Variants in EPS8 observed in about 807,000 individuals in gnomAD.
EPS8 encodes EGFR pathway substrate 8, signaling adaptor, also known as epidermal growth factor receptor kinase substrate 8.
EPS8 carries 42 observed loss-of-function variants against 103.8 expected under a neutral mutation model. That is an observed-to-expected ratio of 0.40 (90% CI 0.32 to 0.52). The LOEUF is 0.52. Among genes scored for constraint, EPS8 ranks in the 20% least tolerant of loss-of-function variants. EPS8 has a pLI of 0.40. For missense variants in EPS8, 969 were observed against 1,005.1 expected, an observed-to-expected ratio of 0.96 and a Z score of 0.49; for synonymous variants, 344 against 344.6, an observed-to-expected ratio of 1.00 and a Z score of 0.02.
chr12:15,654,306 AC>A lies in EPS8; in HGVS notation c.1102-14del, dbSNP rs1945470419. The A allele has an allele frequency of 1.2e-6, 2 of 1,609,822 alleles. No individual in the cohort carries two copies. The highest frequency in any genetic ancestry group is 4.5e-5 in the East Asian group (2 of 44,850). On this transcript the variant is annotated splice_polypyrimidine_tract_variant and intron_variant, in intron 12 of 20. Coordinates refer to ENST00000281172, the MANE Select transcript of EPS8 (RefSeq NM_004447.6). ...TTGCCTGCACCACCTAAGATAATAA[AC>A]CATTTTTTAGCAAGAAGATTACTAT...
At chr12:15,663,841 G>A (rs1295587276) in intron 8 of EPS8, among the ~76,000 whole-genome samples, 2 of 146,914 alleles carry the variant, frequency 1.4e-5, no homozygotes, top group African/African-American at 2.6e-5. Flanking sequence ...AGAATCGCTT[G>A]AACCAGGAGA....
chr12:15,680,689 T>C (rs1159562648), intron 3 of EPS8, among the ~76,000 whole-genome samples: 1 of 152,214 alleles, frequency 6.6e-6, no homozygotes, highest in African/African-American at 2.4e-5. Flanking sequence ...CGACTTCTTG[T>C]TACTTATGAC....
chr12:15,748,771 T>G lies in EPS8; in HGVS notation c.-22+40390A>C, dbSNP rs895984279. ...CAATGTATAACAGATCTAAGCTTTTTCTCTTTTATTCACATATCCTCCTGA... is the reference window on the plus strand; with the variant it reads ...CAATGTATAACAGATCTAAGCTTTTGCTCTTTTATTCACATATCCTCCTGA... On this transcript the variant is annotated intron_variant, in intron 1 of 20. Transcript: ENST00000281172. The surrounding 1 kb of genome is among the most constrained non-coding windows in gnomAD (Gnocchi z 4.8). Among the ~76,000 whole-genome samples, 1 of 152,178 alleles carries G rather than the reference T, an allele frequency of 6.6e-6. No individual in the cohort carries two copies. Among genetic ancestry groups the G allele is most frequent in the Admixed American group, 6.5e-5 (1 of 15,278 alleles).
At chr12:15,782,493 C>A (rs1213363500) in intron 1 of EPS8, among the ~76,000 whole-genome samples, 2 of 152,014 alleles carry the variant, frequency 1.3e-5, no homozygotes, top group Admixed American at 1.3e-4. Flanking sequence ...CAGTGAGACT[C>A]TGTCTCAAAA....
rs1945469002 is a variant in EPS8, at chr12:15,654,260, T to C, written c.1135A>G (p.Ser379Gly). The C allele has an allele frequency of 6.2e-7, 1 of 1,613,680 alleles. No individual in the cohort carries two copies. The highest frequency in any genetic ancestry group is 1.3e-5 in the African/African-American group (1 of 75,040). ...VQATGGPELA[S>G]SVLSPLLNKD... ...TTCAATAGGGGACTAAGTACTGAACTGGCTAGTTCAGGACCTCCTGTTGCC... is the reference window on the plus strand; with the variant it reads ...TTCAATAGGGGACTAAGTACTGAACCGGCTAGTTCAGGACCTCCTGTTGCC... Residue 379 changes from serine (S) to glycine (G), a missense_variant, in exon 13 of 21, where the codon AGT (serine) becomes GGT (glycine). Coordinates refer to ENST00000281172, the MANE Select transcript of EPS8 (RefSeq NM_004447.6).
At chr12:15,663,555 T>C (rs906109216) in intron 8 of EPS8, among the ~76,000 whole-genome samples, 3 of 152,134 alleles carry the variant, frequency 2.0e-5, no homozygotes, top group Non-Finnish European at 4.4e-5. Flanking sequence ...ACAGATGACA[T>C]TGCAGAAAAT....
chr12:15,691,050 C>T (rs990146238), intron 1 of EPS8, among the ~76,000 whole-genome samples: 1 of 151,972 alleles, frequency 6.6e-6, no homozygotes, highest in Non-Finnish European at 1.5e-5. Context: ...CCTCATCCAA[C>T]TCACAGAAAA....
chr12:15,729,487 G>C (rs964842593), intron 1 of EPS8, among the ~76,000 whole-genome samples: 1 of 151,770 alleles, frequency 6.6e-6, no homozygotes, highest in South Asian at 2.1e-4. Flanking sequence ...AGTTTCTATT[G>C]CCCTACCTCC....
chr12:15,728,652 A>T lies in EPS8; in HGVS notation c.-21-45680T>A, dbSNP rs375957726. On this transcript the variant is annotated intron_variant, in intron 1 of 20. Coordinates refer to ENST00000281172, the MANE Select transcript of EPS8 (RefSeq NM_004447.6). The surrounding 1 kb of genome is among the most constrained non-coding windows in gnomAD (Gnocchi z 4.5). ...TAAAATCACAGATTTTACTATTTAC[A>T]TTTCAGTGAAATATTTATGCTTTGT... Among the ~76,000 whole-genome samples, 1 of 152,214 alleles carries T rather than the reference A, an allele frequency of 6.6e-6. No homozygotes were observed. The highest frequency in any genetic ancestry group is 1.9e-4 in the East Asian group (1 of 5,204).
intron 1 of EPS8, among the ~76,000 whole-genome samples, chr12:15,775,937 T>C (rs1317118919): frequency 6.6e-6 from 1 of 152,164 alleles, no homozygotes; most frequent in Non-Finnish European, 1.5e-5. Flanking sequence ...CTGCTAATGA[T>C]TTAGCAAAAT....
At chr12:15,648,202 G>A (rs1945353903) in intron 14 of EPS8, among the ~76,000 whole-genome samples, 1 of 152,168 alleles carries the variant, frequency 6.6e-6, no homozygotes, top group Non-Finnish European at 1.5e-5. Context: ...GAGAATACAT[G>A]CTCAGATTGG....
chr12:15,676,381 T>C (rs1204919095), intron 3 of EPS8, among the ~76,000 whole-genome samples: 1 of 151,860 alleles, frequency 6.6e-6, no homozygotes, highest in African/African-American at 2.4e-5. Context: ...GAAGCTCACG[T>C]GTTATAACAA....
chr12:15,620,315 T>C lies in EPS8; in HGVS notation c.*1002A>G, dbSNP rs1162261578. 6.5e-6 allele frequency: 1 copy of C among 152,782 alleles called. No homozygotes were observed. The highest frequency in any genetic ancestry group is 1.9e-4 in the East Asian group (1 of 5,194). The allele number at this position is 152,782 out of a possible 1,614,324, so 9.5% of individuals were successfully genotyped here. ...TAACATCTGTTTTATATATGTGAAA[T>C]AATATAACATTTAATGACAAAAATT... On this transcript the variant is annotated 3_prime_UTR_variant, in exon 21 of 21. Transcript: ENST00000281172.
At chr12:15,647,368 C>A in intron 14 of EPS8, 108 bp from the exon 15 acceptor site, 1 of 949,200 alleles carries the variant, frequency 1.1e-6, no homozygotes, top group South Asian at 1.9e-5. Flanking sequence ...TTTTCATTTT[C>A]AAGTGACTGA....
At chr12:15,634,379 G>A (rs1945100829) in intron 17 of EPS8, among the ~76,000 whole-genome samples, 1 of 152,054 alleles carries the variant, frequency 6.6e-6, no homozygotes, top group Non-Finnish European at 1.5e-5. Context: ...AGACCTCATA[G>A]GAAATTTACT....
At chr12:15,629,979 T>C (rs1213012610) in intron 18 of EPS8, among the ~76,000 whole-genome samples, 1 of 152,164 alleles carries the variant, frequency 6.6e-6, no homozygotes, top group East Asian at 1.9e-4. Context: ...AGTTAATAGT[T>C]CCATACTGGT....
intron 1 of EPS8, among the ~76,000 whole-genome samples, chr12:15,758,442 T>A (rs1011386483): frequency 1.3e-5 from 2 of 152,180 alleles, no homozygotes; most frequent in African/African-American, 2.4e-5. Flanking sequence ...GAACTTTCCA[T>A]GGTCGTGCTG....
At chr12:15,623,476 G>A (rs925566703) in intron 19 of EPS8, among the ~76,000 whole-genome samples, 189 bp from the exon 20 acceptor site, 8 of 152,082 alleles carry the variant, frequency 5.3e-5, no homozygotes, top group Non-Finnish European at 1.2e-4. Context: ...ATGACCCTGA[G>A]GCTATACAGA....
chr12:15,753,213 T>C, intron 1 of EPS8, among the ~76,000 whole-genome samples: 1 of 152,244 alleles, frequency 6.6e-6, no homozygotes, highest in South Asian at 2.1e-4. Flanking sequence ...TCAAGAAAAT[T>C]CCGAGATGTT....
Sources: gnomAD v4.1 joint callset for allele counts (sites outside exome capture counted in the v4.1 genomes callset) on GRCh38, gnomAD v4.1.1 for gene constraint, Gnocchi (gnomAD v3.1) non-coding constraint, MANE v1.5 for transcripts, NCBI Gene and HGNC (gene_info 2026-07-23, HGNC 2026-07-21) for gene names.